Variants in CHLSN observed in about 807,000 individuals in gnomAD.
CHLSN encodes the protein protein cholesin.
At chr7:995,229 C>T in the CHLSN span, among the ~76,000 whole-genome samples, 1 of 152,232 alleles carries the variant, frequency 6.6e-6, no homozygotes, top group Non-Finnish European at 1.5e-5. Context: ...CAGGGCATTG[C>T]GTGGTTCTCT....
the CHLSN span, among the ~76,000 whole-genome samples, chr7:1,132,990 C>T: frequency 5.3e-5 from 8 of 152,242 alleles, no homozygotes; most frequent in Admixed American, 2.0e-4. Flanking sequence ...ATGATGTTCA[C>T]GGCAGTATGT....
the CHLSN span, among the ~76,000 whole-genome samples, chr7:1,070,786 G>T: frequency 7.5e-5 from 10 of 132,622 alleles, no homozygotes; most frequent in Non-Finnish European, 1.6e-4. Context: ...CACGCACACG[G>T]ACACGCACGT....
chr7:1,088,255 G>C, the CHLSN span: 4 of 152,352 alleles, frequency 2.6e-5, no homozygotes, highest in African/African-American at 4.8e-5. The surrounding 1 kb of genome is among the most constrained non-coding windows in gnomAD (Gnocchi z 4.5). Flanking sequence ...CGGGTTCCAA[G>C]TGCACCTCCA....
chr7:985,246 T>C, the CHLSN span: 1 of 1,552,300 alleles, frequency 6.4e-7, no homozygotes, highest in South Asian at 1.2e-5. Flanking sequence ...CCGATTTGAC[T>C]ACCGGGACCC....
chr7:1,108,341 AGGGGG>A, the CHLSN span, among the ~76,000 whole-genome samples: 2 of 79,220 alleles, frequency 2.5e-5, no homozygotes, highest in African/African-American at 1.1e-4. Context: ...GAGGAAGCAG[AGGGGG>A]GCTGTGTCCC....
the CHLSN span, among the ~76,000 whole-genome samples, chr7:985,819 T>A: frequency 2.0e-5 from 3 of 152,358 alleles, no homozygotes; most frequent in South Asian, 6.2e-4. Flanking sequence ...GAAGCCTGCA[T>A]CTCAGGTGTG....
the CHLSN span, chr7:983,153 T>G: frequency 7.2e-7 from 1 of 1,383,036 alleles, no homozygotes; most frequent in East Asian, 2.8e-5. Flanking sequence ...CGGAGGCCTA[T>G]AAGGGTGCGG....
chr7:987,394 C>T, the CHLSN span: 1 of 1,595,092 alleles, frequency 6.3e-7, no homozygotes. Context: ...TGGGCGGACT[C>T]CCCGGCTGGA....
the CHLSN span, among the ~76,000 whole-genome samples, chr7:1,069,271 C>T: frequency 1.1e-4 from 17 of 152,092 alleles, no homozygotes; most frequent in African/African-American, 4.1e-4. Context: ...GCAGAGGTTG[C>T]GGTGAGCCAA....
At chr7:1,080,229 C>T in the CHLSN span, among the ~76,000 whole-genome samples, 6 of 152,366 alleles carry the variant, frequency 3.9e-5, no homozygotes, top group African/African-American at 9.6e-5. Context: ...AATAAAATTA[C>T]GCTCACATGA....
chr7:1,133,619 T>C, the CHLSN span, among the ~76,000 whole-genome samples: 1 of 151,102 alleles, frequency 6.6e-6, no homozygotes, highest in East Asian at 1.9e-4. Flanking sequence ...CCGGGCGTGG[T>C]GGCAGGCGCC....
chr7:1,113,064 G>C, the CHLSN span, among the ~76,000 whole-genome samples: 1 of 152,176 alleles, frequency 6.6e-6, no homozygotes, highest in African/African-American at 2.4e-5. Flanking sequence ...CACAGTGGTG[G>C]TTACAGGAAG....
the CHLSN span, among the ~76,000 whole-genome samples, chr7:1,134,461 C>T: frequency 6.6e-6 from 1 of 152,036 alleles, no homozygotes; most frequent in East Asian, 1.9e-4. Context: ...GTAGTCCCAG[C>T]TACTCGGGAG....
At chr7:983,714 AG>A in the CHLSN span, among the ~76,000 whole-genome samples, 1 of 152,184 alleles carries the variant, frequency 6.6e-6, no homozygotes, top group African/African-American at 2.4e-5. Flanking sequence ...AGAGGGGAGG[AG>A]GGCCTGGGCC....
the CHLSN span, among the ~76,000 whole-genome samples, chr7:1,040,544 A>T: frequency 6.6e-6 from 1 of 152,186 alleles, no homozygotes; most frequent in Non-Finnish European, 1.5e-5. Flanking sequence ...ACAAAAAATG[A>T]ACTCAAATAG....
the CHLSN span, among the ~76,000 whole-genome samples, chr7:1,133,702 C>T: frequency 6.9e-6 from 1 of 144,626 alleles, no homozygotes; most frequent in African/African-American, 2.6e-5. Flanking sequence ...TGCAGTGAGC[C>T]GAGATCAAGC....
At chr7:1,100,037 C>A in the CHLSN span, among the ~76,000 whole-genome samples, 3 of 152,176 alleles carry the variant, frequency 2.0e-5, no homozygotes, top group Non-Finnish European at 4.4e-5. Context: ...ACATCTGAGC[C>A]CCCGTCCCCG....
chr7:1,021,304 G>C, the CHLSN span: 489 of 881,958 alleles, frequency 5.5e-4, 3 homozygotes, highest in African/African-American at 8.2e-3. Flanking sequence ...GGCACCCATG[G>C]GGCAGGTTTC....
At chr7:1,071,338 T>TTC in the CHLSN span, among the ~76,000 whole-genome samples, 1 of 152,206 alleles carries the variant, frequency 6.6e-6, no homozygotes, top group East Asian at 1.9e-4. Flanking sequence ...CATTGGTGAG[T>TTC]GGTGAAACCG....
Sources: gnomAD v4.1 joint callset for allele counts (sites outside exome capture counted in the v4.1 genomes callset) on GRCh38, gnomAD v4.1.1 for gene constraint, Gnocchi (gnomAD v3.1) non-coding constraint, MANE v1.5 for transcripts, NCBI Gene and HGNC (gene_info 2026-07-23, HGNC 2026-07-21) for gene names.